PRDM14: variants seen among roughly 807,000 people sequenced by gnomAD.
PRDM14 encodes PR/SET domain 14.
PRDM14 carries 16 observed loss-of-function variants against 48.0 expected under a neutral mutation model. The observed-to-expected ratio is 0.33, with a 90% CI of 0.23 to 0.51. PRDM14 has a LOEUF of 0.51. PRDM14 is among the 20% of genes least tolerant of loss of function. PRDM14 has a pLI of 0.97. For missense variants in PRDM14, 566 were observed against 719.6 expected, an observed-to-expected ratio of 0.79 and a Z score of 2.44; for synonymous variants, 264 against 276.6, an observed-to-expected ratio of 0.95 and a Z score of 0.45.
At chr8:70,056,711 T>C (rs938438223) in intron 6 of PRDM14, among the ~76,000 whole-genome samples, 4 of 145,930 alleles carry the variant, frequency 2.7e-5, no homozygotes, top group African/African-American at 1.0e-4. Context: ...CTCAGCTACT[T>C]GGGAGGCTGA....
chr8:70,052,220 A>T lies in PRDM14; in HGVS notation c.1573T>A (p.Ser525Thr), dbSNP rs1805397449. ...KPFKCKYCGK[S>T]FASHAAHDSH... ...TCATGGGCAGCATGGGATGCAAAAGATTTACCACAGTACTTGCATTTGAAG... is the reference window on the plus strand; with the variant it reads ...TCATGGGCAGCATGGGATGCAAAAGTTTTACCACAGTACTTGCATTTGAAG... Residue 525 changes from serine (S) to threonine (T), a missense_variant, in exon 8 of 8, where the codon TCT becomes ACT. Ser to Thr is a moderately conservative substitution (Grantham distance 58, BLOSUM62 1). Transcript: ENST00000276594. 3.7e-6 allele frequency: 6 copies of T among 1,614,116 alleles called. No homozygotes were observed. The East Asian group carries it at 1.3e-4, about 36-fold the overall frequency.
intron 5 of PRDM14, among the ~76,000 whole-genome samples, chr8:70,064,878 T>C (rs187469349): frequency 9.6e-4 from 144 of 149,814 alleles, no homozygotes; most frequent in Non-Finnish European, 1.7e-3. Context: ...ATAATTTGCC[T>C]TCTCTCTCTC....
chr8:70,064,426 T>C (rs1400971307), intron 5 of PRDM14, among the ~76,000 whole-genome samples: 1 of 151,948 alleles, frequency 6.6e-6, no homozygotes, highest in Non-Finnish European at 1.5e-5. Flanking sequence ...CAGTACGCAC[T>C]GGGATCCAGA....
chr8:70,055,509 CTT>C (rs201316659), intron 6 of PRDM14, 108 bp from the exon 7 acceptor site: 135,139 of 448,360 alleles, frequency 0.3, 12,125 homozygotes, highest in East Asian at 0.42. Flanking sequence ...CAATTTTTTT[CTT>C]TTTTTTTTTT....
At position 70,058,527 on chromosome 8, in the gene PRDM14, C is replaced by T; in HGVS notation, c.1386+113G>A. 3 of 848,430 alleles carry T rather than the reference C, an allele frequency of 3.5e-6. No homozygotes were observed. In the South Asian group the frequency reaches 4.5e-5, roughly 13 times the overall value. The allele number at this position is 848,430 out of a possible 1,614,324, so 52.6% of individuals were successfully genotyped here. A position where few individuals can be genotyped will look rare whatever the true frequency, so the allele number is the denominator to read the frequency against. On this transcript the variant is annotated intron_variant, in intron 6 of 7. Coordinates refer to ENST00000276594, the MANE Select transcript of PRDM14 (RefSeq NM_024504.4). ...TCCTCTCCTCCTTCAGAGAGGGTGT[C>T]CGTCAGGCATCACAGCCCTGCAGCT...
chr8:70,054,279 A>G (rs1347630372), intron 7 of PRDM14, among the ~76,000 whole-genome samples: 1 of 152,242 alleles, frequency 6.6e-6, no homozygotes, highest in Non-Finnish European at 1.5e-5. Context: ...TAAAGTAGTA[A>G]TAATAGCAGT....
chr8:70,068,316 T>C lies in PRDM14; in HGVS notation c.826A>G (p.Lys276Glu). 3 of 1,614,218 alleles carry C rather than the reference T, an allele frequency of 1.9e-6. No individual in the cohort carries two copies. The highest frequency in any genetic ancestry group is 2.5e-6 in the Non-Finnish European group (3 of 1,180,036). Residue 276 changes from lysine to glutamate, a missense_variant, in exon 4 of 8, where the codon AAA becomes GAA. By Grantham distance (56) the Lys-to-Glu change is moderately conservative. Transcript: ENST00000276594. ...FGVFCSSFIA[K>E]GVRFGPFQGK... Reference sequence around the variant, plus strand: ...TGAAAGGGCCCAAACCTGACTCCTTTGGCGATAAAACTACTGCAGAACACA... The same window carrying C: ...TGAAAGGGCCCAAACCTGACTCCTTCGGCGATAAAACTACTGCAGAACACA...
chr8:70,067,584 G>A (rs1020551663), intron 4 of PRDM14, among the ~76,000 whole-genome samples: 3 of 149,966 alleles, frequency 2.0e-5, no homozygotes, highest in South Asian at 2.1e-4. Context: ...TGGCAATTTC[G>A]CTGTCTCCAA....
Position 70,052,062 on chromosome 8 carries a change from T to C in PRDM14, c.*15A>G, listed in dbSNP as rs917468201. ...GTGCTGGGATTACAGGCGTGAGTCA[T>C]TGTGCCTGGCAGGGCTAGTAGTCTT... On this transcript the variant is annotated 3_prime_UTR_variant, in exon 8 of 8. Coordinates refer to ENST00000276594, the MANE Select transcript of PRDM14 (RefSeq NM_024504.4). The C allele has an allele frequency of 7.0e-6, 11 of 1,560,318 alleles. No homozygotes were observed. The African/African-American group carries it at 1.1e-4, about 15-fold the overall frequency.
chr8:70,061,051 T>C (rs1279170344), intron 5 of PRDM14, among the ~76,000 whole-genome samples: 1 of 152,086 alleles, frequency 6.6e-6, no homozygotes, highest in Non-Finnish European at 1.5e-5. Flanking sequence ...ATACTATCAC[T>C]GAATGGCAGA....
rs1396052436 is a variant in PRDM14, at chr8:70,069,863, C to A, written c.-3G>T. 3 of 1,579,266 alleles carry A rather than the reference C, an allele frequency of 1.9e-6. No individual in the cohort carries two copies. The highest frequency in any genetic ancestry group is 1.7e-6 in the Non-Finnish European group (2 of 1,161,328). On this transcript the variant is annotated 5_prime_UTR_variant, in exon 2 of 8. Coordinates refer to ENST00000276594, the MANE Select transcript of PRDM14 (RefSeq NM_024504.4). The stretch of plus-strand genomic sequence containing the variant: ...TCACTTGGCCGGGGTAGAGCCATCC[C>A]GGGACCGCACGCTCGGCGGCTCTGC...
chr8:70,059,281 T>TTTTC (rs1563439695), intron 5 of PRDM14, among the ~76,000 whole-genome samples: 7 of 151,204 alleles, frequency 4.6e-5, no homozygotes, highest in Admixed American at 3.3e-4. Context: ...CTTTTCTTTT[T>TTTTC]TTTTTTTTGA....
chr8:70,065,322 AG>A (rs1273224494), intron 5 of PRDM14, among the ~76,000 whole-genome samples: 2 of 152,108 alleles, frequency 1.3e-5, no homozygotes, highest in Non-Finnish European at 2.9e-5. Context: ...TCTTATTTAC[AG>A]GAATTTACAT....
At chr8:70,066,627 T>C (rs1213981723) in intron 4 of PRDM14, 122 bp from the exon 5 acceptor site, 1 of 754,188 alleles carries the variant, frequency 1.3e-6, no homozygotes, top group Non-Finnish European at 2.2e-6. Flanking sequence ...ACTTCTATCA[T>C]TCTGATTTTT....
chr8:70,067,531 C>CAAAA (rs751731521), intron 4 of PRDM14, among the ~76,000 whole-genome samples: 1 of 130,064 alleles, frequency 7.7e-6, no homozygotes, highest in African/African-American at 2.9e-5. Flanking sequence ...AAAAAAAAAA[C>CAAAA]AAAAAAAAAA....
chr8:70,070,464 C>T (rs527304245), intron 1 of PRDM14, among the ~76,000 whole-genome samples: 6 of 152,268 alleles, frequency 3.9e-5, no homozygotes, highest in Admixed American at 1.3e-4. Flanking sequence ...GCTCCCAGAG[C>T]CCCCGGGCAG....
intron 5 of PRDM14, among the ~76,000 whole-genome samples, chr8:70,062,575 G>C (rs190321648): frequency 1.3e-5 from 2 of 151,246 alleles, no homozygotes; most frequent in Admixed American, 1.3e-4. Flanking sequence ...GCGATTATCC[G>C]GCTCCAGCCT....
At position 70,069,330 on chromosome 8, in the gene PRDM14, C is replaced by T; in HGVS notation, c.531G>A (p.Gln177=). 2 of 1,611,528 alleles carry T rather than the reference C, an allele frequency of 1.2e-6. No individual in the cohort carries two copies. The highest frequency in any genetic ancestry group is 1.3e-5 in the African/African-American group (1 of 75,018). The change falls in exon 2 of 8, where the codon CAG becomes CAA. Residue 177 remains glutamine (Q), a synonymous_variant. Transcript: ENST00000276594. Reference sequence around the variant, plus strand: ...TGGAGGGTTTGGGACCATCCTCTGACTGCTTGCTGGGTGAGCAAGGTAATA... The same window carrying T: ...TGGAGGGTTTGGGACCATCCTCTGATTGCTTGCTGGGTGAGCAAGGTAATA... ...SQLLPCSPSK[Q]SEDGPKPSNQ... is the part of the protein sequence containing the mutation.
At chr8:70,057,637 G>A (rs1445133693) in intron 6 of PRDM14, among the ~76,000 whole-genome samples, 1 of 152,110 alleles carries the variant, frequency 6.6e-6, no homozygotes, top group Non-Finnish European at 1.5e-5. Flanking sequence ...TGGCCAGTAA[G>A]CCATAATTTA....
Sources: gnomAD v4.1 joint callset for allele counts (sites outside exome capture counted in the v4.1 genomes callset) on GRCh38, gnomAD v4.1.1 for gene constraint, MANE v1.5 for transcripts, NCBI Gene and HGNC (gene_info 2026-07-23, HGNC 2026-07-21) for gene names.